The following TNFRSF1A variants were observed in gnomAD, a reference collection of about 807,000 sequenced individuals.
TNFRSF1A encodes the protein TNF receptor superfamily member 1A.
Under a neutral mutation model 41.6 loss-of-function variants are expected in TNFRSF1A, and 9 were observed. That is an observed-to-expected ratio of 0.22 (90% CI 0.13 to 0.38). The LOEUF is 0.38. Among genes scored for constraint, TNFRSF1A ranks in the 10% least tolerant of loss-of-function variants. The probability of loss-of-function intolerance (pLI) is 1.00; values close to 1 mark genes in which losing one functional copy is unlikely to be tolerated. For missense variants in TNFRSF1A, 463 were observed against 591.5 expected (o/e 0.78, Z 2.25); for synonymous variants, 254 against 248.6 (o/e 1.02, Z -0.21).
chr12:6,338,819 A>G (rs910863792), intron 1 of TNFRSF1A, among the ~76,000 whole-genome samples: 6 of 152,098 alleles, frequency 3.9e-5, no homozygotes, highest in Admixed American at 3.3e-4. Flanking sequence ...TTGTAGAGAC[A>G]GGGTTTTGCT....
chr12:6,330,167 GC>G, intron 8 of TNFRSF1A, 99 bp downstream of exon 8: 2 of 1,610,514 alleles, frequency 1.2e-6, no homozygotes, highest in Non-Finnish European at 1.7e-6. Context: ...AATGAGGCGA[GC>G]CCCCGGAAAG....
Position 6,329,199 on chromosome 12 carries a change from A to G in TNFRSF1A, c.*113T>C. The G allele has an allele frequency of 9.5e-7, 1 of 1,047,794 alleles. No homozygotes were observed. The highest frequency in any genetic ancestry group is 1.3e-6 in the Non-Finnish European group (1 of 762,346). The allele number at this position is 1,047,794 out of a possible 1,614,324, so 64.9% of individuals were successfully genotyped here. A position where few individuals can be genotyped will look rare whatever the true frequency, so the allele number is the denominator to read the frequency against. Reference sequence around the variant, plus strand: ...GTACATCGAGGGGTTAGCACCAAGTAGGCGGCTGCTAGCTCCTGCTTGCCC... The same window carrying G: ...GTACATCGAGGGGTTAGCACCAAGTGGGCGGCTGCTAGCTCCTGCTTGCCC... On this transcript the variant is annotated 3_prime_UTR_variant, in exon 10 of 10. Coordinates refer to ENST00000162749, the MANE Select transcript of TNFRSF1A (RefSeq NM_001065.4).
chr12:6,339,190 C>T (rs1169470340), intron 1 of TNFRSF1A, among the ~76,000 whole-genome samples: 1 of 152,210 alleles, frequency 6.6e-6, no homozygotes, highest in Non-Finnish European at 1.5e-5. Context: ...CCATTCCTCT[C>T]CTCTTCCTCA....
Position 6,341,315 on chromosome 12 carries a change from G to A in TNFRSF1A, c.39+461C>T, listed in dbSNP as rs998129534. On this transcript the variant is annotated intron_variant, in intron 1 of 9. Coordinates refer to ENST00000162749, the MANE Select transcript of TNFRSF1A (RefSeq NM_001065.4). This position sits in a 1 kb window ranked among gnomAD's most constrained non-coding sequence, Gnocchi z 4.6. Reference sequence around the variant, plus strand: ...TGCCCTACAGGGTGTGCTCCACCAAGTTCCACAGGCAGCCTCGCCTCCCCA... The same window carrying A: ...TGCCCTACAGGGTGTGCTCCACCAAATTCCACAGGCAGCCTCGCCTCCCCA... Among the ~76,000 whole-genome samples, 1 of 152,100 alleles carries A rather than the reference G, an allele frequency of 6.6e-6. No individual in the cohort carries two copies. The highest frequency in any genetic ancestry group is 2.1e-4 in the South Asian group (1 of 4,832).
intron 1 of TNFRSF1A, among the ~76,000 whole-genome samples, chr12:6,339,251 T>A (rs1273869122): frequency 6.6e-6 from 1 of 152,188 alleles, no homozygotes; most frequent in Non-Finnish European, 1.5e-5. Context: ...TGACAGGCAG[T>A]GACTTCAGAT....
At chr12:6,332,000 C>CAAAAAA (rs750532640) in intron 5 of TNFRSF1A, 34 of 78,844 alleles carry the variant, frequency 4.3e-4, no homozygotes, top group South Asian at 1.4e-3. Flanking sequence ...GACTCTGTGT[C>CAAAAAA]AAAAAAAAAA....
At chr12:6,331,390 A>T (rs1948048223) in intron 5 of TNFRSF1A, 1 of 247,476 alleles carries the variant, frequency 4.0e-6, no homozygotes, top group Non-Finnish European at 8.1e-6. Flanking sequence ...CCTTTGGCAA[A>T]GAGAGGTTAA....
Position 6,333,759 on chromosome 12 carries a change from G to A in TNFRSF1A, c.300C>T (p.Leu100=). ...CACCCTTTCGGCATTTGGAGCAGCT[G>A]AGGCAGTGTCTGAGGTGGTTTTCTG... ...TASENHLRHC[L]SCSKCRKEMG... Residue 100 remains leucine (L), a synonymous_variant, in exon 3 of 10, where the codon CTC becomes CTT. Transcript: ENST00000162749. The surrounding 1 kb of genome is among the most constrained non-coding windows in gnomAD (Gnocchi z 6.3). The A allele has an allele frequency of 2.5e-6, 4 of 1,573,626 alleles. No individual in the cohort carries two copies. Among genetic ancestry groups the A allele is most frequent in the Non-Finnish European group, 2.6e-6 (3 of 1,158,252 alleles).
rs1481633302 is a variant in TNFRSF1A, at chr12:6,342,024, T to C, written c.-210A>G. 6.4e-6 allele frequency: 4 copies of C among 629,460 alleles called. No homozygotes were observed. The highest frequency in any genetic ancestry group is 1.2e-5 in the Non-Finnish European group (4 of 346,846). The allele number at this position is 629,460 out of a possible 1,614,324, so 39.0% of individuals were successfully genotyped here. A position where few individuals can be genotyped will look rare whatever the true frequency, so the allele number is the denominator to read the frequency against. The stretch of plus-strand genomic sequence containing the variant: ...AGAACTGGAGCCTCAGTCCAGAGAA[T>C]TCTGAGAAAATTAAAGCAGAGAGGA... On this transcript the variant is annotated 5_prime_UTR_variant, in exon 1 of 10. Coordinates refer to ENST00000162749, the MANE Select transcript of TNFRSF1A (RefSeq NM_001065.4).
In TNFRSF1A at chr12:6,334,594, C is replaced by T. The variant is rs371081649; in HGVS notation, c.40-350G>A. On this transcript the variant is annotated intron_variant, in intron 1 of 9. Transcript: ENST00000162749. The surrounding 1 kb of genome is among the most constrained non-coding windows in gnomAD (Gnocchi z 5.1). ...ATCACTGCACCCTCCACCACCCACG[C>T]TCAAGCAGTCCTCCCACCTTAGCCT... Among the ~76,000 whole-genome samples, 3 of 152,032 alleles carry T rather than the reference C, an allele frequency of 2.0e-5. No homozygotes were observed. Among genetic ancestry groups the T allele is most frequent in the Non-Finnish European group, 2.9e-5 (2 of 68,000 alleles).
Position 6,329,584 on chromosome 12 carries a change from C to G in TNFRSF1A, c.1096G>C (p.Val366Leu). ...PATLYAVVEN[V>L]PPLRWKEFVR... The stretch of plus-strand genomic sequence containing the variant: ...AATTCCTTCCAGCGCAACGGGGGCA[C>G]GTTCTCCACCACGGCGTACAGCGTC... The change falls in exon 10 of 10, where the codon GTG becomes CTG. Residue 366 changes from valine (V) to leucine (L), a missense_variant. This residue lies in a region of TNFRSF1A where 277 missense variants were observed against 288.8 expected (regional missense o/e 0.96). Coordinates refer to ENST00000162749, the MANE Select transcript of TNFRSF1A (RefSeq NM_001065.4). The G allele has an allele frequency of 1.3e-6, 2 of 1,592,364 alleles. No individual in the cohort carries two copies. The highest frequency in any genetic ancestry group is 1.7e-6 in the Non-Finnish European group (2 of 1,175,096).
chr12:6,330,210 G>C (rs1948027505), intron 8 of TNFRSF1A, 57 bp downstream of exon 8: 7 of 1,613,764 alleles, frequency 4.3e-6, no homozygotes, highest in Non-Finnish European at 5.9e-6. Context: ...CTGAGCATTA[G>C]GCAATTATAA....
rs1565471410 is a variant in TNFRSF1A at position 6,342,067 on chromosome 12, G to A, written c.-253C>T. The A allele has an allele frequency of 3.5e-6, 2 of 576,240 alleles. No individual in the cohort carries two copies. Among genetic ancestry groups the A allele is most frequent in the African/African-American group, 3.7e-5 (2 of 53,454 alleles). The allele number at this position is 576,240 out of a possible 1,614,324, so 35.7% of individuals were successfully genotyped here. On this transcript the variant is annotated 5_prime_UTR_variant, in exon 1 of 10. Transcript: ENST00000162749. Reference sequence around the variant, plus strand: ...AGAGAGGAGGGGAGAGAAGGTGGGAGGGGAAGAGTGAGGCAGTGTTGCAAC... The same window carrying A: ...AGAGAGGAGGGGAGAGAAGGTGGGAAGGGAAGAGTGAGGCAGTGTTGCAAC...
chr12:6,339,961 G>A (rs1195981598), intron 1 of TNFRSF1A, among the ~76,000 whole-genome samples: 4 of 151,926 alleles, frequency 2.6e-5, no homozygotes, highest in African/African-American at 9.7e-5. Context: ...CCAGCTCCAG[G>A]CCAGGCTTCT....
intron 5 of TNFRSF1A, chr12:6,331,349 G>A (rs990728379): frequency 3.1e-5 from 9 of 287,610 alleles, no homozygotes; most frequent in South Asian, 3.0e-4. Flanking sequence ...TTATGGGATT[G>A]TTGTTTCATC....
chr12:6,329,144 G>A lies in TNFRSF1A; in HGVS notation c.*168C>T. 5 of 609,680 alleles carry A rather than the reference G, an allele frequency of 8.2e-6. No individual in the cohort carries two copies. The highest frequency in any genetic ancestry group is 9.4e-4 in the Middle Eastern group (2 of 2,122). 37.8% of individuals were successfully genotyped at this position (609,680 alleles called of 1,614,324 possible). ...CTCCGCGCGCACAGCGCTGACTGTCGGCGGCGCGCAGGCAGCTGAGAAAAG... is the reference window on the plus strand; with the variant it reads ...CTCCGCGCGCACAGCGCTGACTGTCAGCGGCGCGCAGGCAGCTGAGAAAAG... On this transcript the variant is annotated 3_prime_UTR_variant, in exon 10 of 10. Coordinates refer to ENST00000162749, the MANE Select transcript of TNFRSF1A (RefSeq NM_001065.4).
rs1948006524 is a variant in TNFRSF1A, at chr12:6,329,627, G to C, written c.1058-5C>G. ...ACAGCGTCGCGGGGTCATCAGCTGCGGGGACGCGGGCCGGTGAGCCTCGGG... is the reference window on the plus strand; with the variant it reads ...ACAGCGTCGCGGGGTCATCAGCTGCCGGGACGCGGGCCGGTGAGCCTCGGG... On this transcript the variant is annotated splice_polypyrimidine_tract_variant and splice_region_variant and intron_variant, in intron 9 of 9. Coordinates refer to ENST00000162749, the MANE Select transcript of TNFRSF1A (RefSeq NM_001065.4). 1.9e-6 allele frequency: 3 copies of C among 1,591,718 alleles called. No individual in the cohort carries two copies. The highest frequency in any genetic ancestry group is 2.6e-6 in the Non-Finnish European group (3 of 1,172,722).
intron 1 of TNFRSF1A, among the ~76,000 whole-genome samples, chr12:6,338,863 C>G (rs1458141709): frequency 2.0e-5 from 3 of 152,258 alleles, no homozygotes; most frequent in African/African-American, 7.2e-5. Flanking sequence ...CTCCTGGACT[C>G]AAGCAATCCA....
chr12:6,338,104 A>T (rs550929014), intron 1 of TNFRSF1A, among the ~76,000 whole-genome samples: 1 of 152,312 alleles, frequency 6.6e-6, no homozygotes, highest in Admixed American at 6.5e-5. Flanking sequence ...TCTGAATGAT[A>T]CAAAGGCAGA....
Sources: gnomAD v4.1 joint callset for allele counts (sites outside exome capture counted in the v4.1 genomes callset) on GRCh38, gnomAD v4.1.1 for gene constraint, gnomAD v4.1.1 regional missense constraint, Gnocchi (gnomAD v3.1) non-coding constraint, MANE v1.5 for transcripts, NCBI Gene and HGNC (gene_info 2026-07-23, HGNC 2026-07-21) for gene names.